Variants in ORC5 observed in about 807,000 individuals in gnomAD.
The protein encoded by ORC5 is origin recognition complex subunit 5, also known as protein phosphatase 1, regulatory subunit 117.
Under a neutral mutation model 58.8 loss-of-function variants are expected in ORC5, and 39 were observed. The ratio of observed to expected loss-of-function variants is 0.66; its 90% confidence interval spans 0.51 to 0.87. ORC5 has a LOEUF of 0.87. Ranked by LOEUF, ORC5 falls within the 40% of genes least tolerant of loss-of-function variation. The pLI is 0.00. For missense variants in ORC5, 493 were observed against 506.3 expected (o/e 0.97, Z 0.25); for synonymous variants, 218 against 177.6 (o/e 1.23, Z -1.81).
intron 8 of ORC5, among the ~76,000 whole-genome samples, chr7:104,171,178 A>C (rs1435636807): frequency 6.6e-6 from 1 of 152,210 alleles, no homozygotes; most frequent in Non-Finnish European, 1.5e-5. Flanking sequence ...ACCTAAACCA[A>C]GTAAAGGTGT....
At chr7:104,128,681 C>T (rs373196134) in intron 13 of ORC5, among the ~76,000 whole-genome samples, 1 of 125,942 alleles carries the variant, frequency 7.9e-6, no homozygotes, top group South Asian at 3.7e-4. Context: ...CCCCTCCCCC[C>T]CACCCCACAA....
rs533239611 is a variant in ORC5, at chr7:104,160,038, T to C, written c.1149+1034A>G. ...TCAGCATTAGTGATCTACCTACCTATCTAGGTAGCTATCTACCTATATAGC... is the reference window on the plus strand; with the variant it reads ...TCAGCATTAGTGATCTACCTACCTACCTAGGTAGCTATCTACCTATATAGC... On this transcript the variant is annotated intron_variant, in intron 12 of 13. Transcript: ENST00000297431. Among the ~76,000 whole-genome samples the C allele has an allele frequency of 5.3e-5, 8 of 152,294 alleles. No individual in the cohort carries two copies. The South Asian group carries it at 1.7e-3, about 32-fold the overall frequency.
At position 104,207,818 on chromosome 7, in the gene ORC5, G is replaced by T. The variant is rs1225246113; in HGVS notation, c.72+15C>A. On this transcript the variant is annotated intron_variant, in intron 1 of 13. Coordinates refer to ENST00000297431, the MANE Select transcript of ORC5 (RefSeq NM_002553.4). Reference sequence around the variant, plus strand: ...GTCTGCCTCCAGGATCTGGAAGACAGTTTAACTACAATACCTCTCCAAACA... The same window carrying T: ...GTCTGCCTCCAGGATCTGGAAGACATTTTAACTACAATACCTCTCCAAACA... 1 of 1,610,430 alleles carries T rather than the reference G, an allele frequency of 6.2e-7. No individual in the cohort carries two copies. Among genetic ancestry groups the T allele is most frequent in the Non-Finnish European group, 8.5e-7 (1 of 1,176,626 alleles).
At chr7:104,188,629 G>C (rs1200315284) in intron 5 of ORC5, among the ~76,000 whole-genome samples, 2 of 152,170 alleles carry the variant, frequency 1.3e-5, no homozygotes, top group African/African-American at 4.8e-5. Context: ...TGAATGAGAA[G>C]GATAAGAGGA....
At position 104,136,443 on chromosome 7, in the gene ORC5, T is replaced by C. The variant is rs1250478597; in HGVS notation, c.1262+338A>G. Among the ~76,000 whole-genome samples the C allele has an allele frequency of 6.6e-6, 1 of 152,190 alleles. No homozygotes were observed. Among genetic ancestry groups the C allele is most frequent in the Non-Finnish European group, 1.5e-5 (1 of 68,026 alleles). On this transcript the variant is annotated intron_variant, in intron 13 of 13. Transcript: ENST00000297431. The surrounding 1 kb of genome is among the most constrained non-coding windows in gnomAD (Gnocchi z 4.2). ...AAGCCTTGTAGTCAGCTAAAAAATT[T>C]AGGACTTAAGCCAGCTCTCTCCCAT...
At chr7:104,177,944 C>T (rs1375611069) in intron 8 of ORC5, among the ~76,000 whole-genome samples, 2 of 152,160 alleles carry the variant, frequency 1.3e-5, no homozygotes, top group Middle Eastern at 3.2e-3. Flanking sequence ...TGTTTATGTG[C>T]CACATTTTCT....
chr7:104,169,834 C>A (rs1186033192), intron 8 of ORC5, among the ~76,000 whole-genome samples: 1 of 151,986 alleles, frequency 6.6e-6, no homozygotes, highest in Admixed American at 6.6e-5. Flanking sequence ...TGTAATATTC[C>A]TACCTTGTCA....
At position 104,129,095 on chromosome 7, in the gene ORC5, G is replaced by A. The variant is rs1342324344; in HGVS notation, c.1263-2202C>T. 1.3e-5 allele frequency among the ~76,000 whole-genome samples: 2 copies of A among 152,126 alleles called. No individual in the cohort carries two copies. Among genetic ancestry groups the A allele is most frequent in the African/African-American group, 2.4e-5 (1 of 41,438 alleles). On this transcript the variant is annotated intron_variant, in intron 13 of 13. Transcript: ENST00000297431. The surrounding 1 kb of genome is among the most constrained non-coding windows in gnomAD (Gnocchi z 4.9). ...AGGGAGAAGAAATAATTGCAAGTAA[G>A]TTGTGACGGCTGCAGAGAAATGTTT... is the stretch of plus-strand genomic sequence containing the variant.
rs11980018 is a variant in ORC5, at chr7:104,165,157, T to C, written c.1038+78A>G. On this transcript the variant is annotated intron_variant, in intron 11 of 13. Transcript: ENST00000297431. ...TAAGTTCCTATATTCAAATGACAAA[T>C]ACAATTACAGATGTATCTATTTCCT... 11,665 of 725,780 alleles carry C rather than the reference T, an allele frequency of 0.016. 964 individuals are homozygous for C. In the African/African-American group the frequency reaches 0.18, roughly 11 times the overall value. 45.0% of individuals were successfully genotyped at this position (725,780 alleles called of 1,614,324 possible). A position where few individuals can be genotyped will look rare whatever the true frequency, so the allele number is the denominator to read the frequency against.
intron 8 of ORC5, among the ~76,000 whole-genome samples, chr7:104,181,511 T>TGTG (rs1799429811): frequency 6.6e-6 from 1 of 151,686 alleles, no homozygotes; most frequent in African/African-American, 2.4e-5. Context: ...AGAGGCCGGG[T>TGTG]GTGGTGGCTC....
chr7:104,146,861 T>C (rs910514459), intron 12 of ORC5, among the ~76,000 whole-genome samples: 2 of 152,228 alleles, frequency 1.3e-5, no homozygotes, highest in Admixed American at 1.3e-4. Flanking sequence ...GTCAGTTTCC[T>C]GGTTGTGATA....
chr7:104,182,953 G>A (rs1799466113), intron 8 of ORC5, among the ~76,000 whole-genome samples: 1 of 152,066 alleles, frequency 6.6e-6, no homozygotes, highest in African/African-American at 2.4e-5. Context: ...TGGCCAACAT[G>A]TTGAAACCCC....
At chr7:104,202,597 A>T (rs185384234) in intron 2 of ORC5, 4 of 443,548 alleles carry the variant, frequency 9.0e-6, no homozygotes, top group Admixed American at 5.0e-5. Context: ...AAGTAACAGC[A>T]GAAACTACAG....
At chr7:104,145,970 A>G (rs1208355829) in intron 12 of ORC5, among the ~76,000 whole-genome samples, 1 of 152,222 alleles carries the variant, frequency 6.6e-6, no homozygotes, top group Non-Finnish European at 1.5e-5. Context: ...AAATAAAGAC[A>G]TGCTCGAACA....
Position 104,166,866 on chromosome 7 carries a change from T to A in ORC5, c.896A>T (p.His299Leu), listed in dbSNP as rs1483090822. ...CTTAGAGTAATATGGAAGTTCCACATGAGTATGCGCTGAGAGGCCTATATA... is the reference window on the plus strand; with the variant it reads ...CTTAGAGTAATATGGAAGTTCCACAAGAGTATGCGCTGAGAGGCCTATATA... ...GQLKGLSAHTHVELPYYSKFI... is the reference protein window; with the variant it reads ...GQLKGLSAHTLVELPYYSKFI... The change falls in exon 10 of 14, where the codon CAT becomes CTT. Residue 299 changes from histidine (H) to leucine (L), a missense_variant. Physicochemically the swap from His to Leu is moderately conservative, Grantham distance 99 (BLOSUM62 -3). Coordinates refer to ENST00000297431, the MANE Select transcript of ORC5 (RefSeq NM_002553.4). The A allele has an allele frequency of 8.7e-6, 14 of 1,606,124 alleles. No individual in the cohort carries two copies. Among genetic ancestry groups the A allele is most frequent in the Non-Finnish European group, 1.2e-5 (14 of 1,173,178 alleles).
At chr7:104,173,742 T>C (rs538373439) in intron 8 of ORC5, among the ~76,000 whole-genome samples, 1 of 152,316 alleles carries the variant, frequency 6.6e-6, no homozygotes, top group East Asian at 1.9e-4. Flanking sequence ...TACTATAAAA[T>C]TTGTGTTCTG....
rs551235763 is a variant in ORC5 at position 104,133,670 on chromosome 7, C to T, written c.1262+3111G>A. On this transcript the variant is annotated intron_variant, in intron 13 of 13. Transcript: ENST00000297431. This position sits in a 1 kb window ranked among gnomAD's most constrained non-coding sequence, Gnocchi z 4.7. Reference sequence around the variant, plus strand: ...ATGATTGTTGAAGTCACAGGTGTGGCTCAAGTTGCCTAGGGAAAAAAATGT... The same window carrying T: ...ATGATTGTTGAAGTCACAGGTGTGGTTCAAGTTGCCTAGGGAAAAAAATGT... 1.3e-5 allele frequency among the ~76,000 whole-genome samples: 2 copies of T among 152,098 alleles called. No individual in the cohort carries two copies. Among genetic ancestry groups the T allele is most frequent in the South Asian group, 4.2e-4 (2 of 4,806 alleles).
intron 3 of ORC5, 76 bp from the exon 4 acceptor site, chr7:104,197,875 T>C (rs1008329778): frequency 3.4e-6 from 3 of 874,312 alleles, no homozygotes; most frequent in Non-Finnish European, 1.8e-6. Flanking sequence ...TTTGACTATG[T>C]CCCCCAAAGT....
At chr7:104,190,993 G>C (rs1276889276) in intron 5 of ORC5, among the ~76,000 whole-genome samples, 1 of 150,712 alleles carries the variant, frequency 6.6e-6, no homozygotes, top group South Asian at 2.1e-4. Flanking sequence ...GCTCTATTAA[G>C]GAATATTTAA....
Sources: gnomAD v4.1 joint callset for allele counts (sites outside exome capture counted in the v4.1 genomes callset) on GRCh38, gnomAD v4.1.1 for gene constraint, Gnocchi (gnomAD v3.1) non-coding constraint, MANE v1.5 for transcripts, NCBI Gene and HGNC (gene_info 2026-07-23, HGNC 2026-07-21) for gene names.